The following L2HGDH variants were observed in gnomAD, a reference collection of about 807,000 sequenced individuals.
L2HGDH encodes the protein L-2-hydroxyglutarate dehydrogenase.
A neutral mutation model predicts 51.5 loss-of-function variants in L2HGDH; 34 were observed. The observed-to-expected ratio is 0.66, with a 90% CI of 0.50 to 0.88. L2HGDH has a LOEUF of 0.88. Ranked by LOEUF, L2HGDH falls within the 40% of genes least tolerant of loss-of-function variation. L2HGDH has a pLI of 0.00. For missense variants in L2HGDH, 558 were observed against 571.9 expected (o/e 0.98, Z 0.25); for synonymous variants, 198 against 197.9 (o/e 1.00, Z -0.01).
intron 9 of L2HGDH, among the ~76,000 whole-genome samples, chr14:50,250,580 A>T (rs1194701885): frequency 6.6e-6 from 1 of 152,196 alleles, no homozygotes; most frequent in African/African-American, 2.4e-5. Context: ...CCCTGAAGGG[A>T]AGGGCCCTGG....
rs376354488 is a variant in L2HGDH, at chr14:50,312,140, G to C, written c.11C>G (p.Ala4Gly). 5.6e-6 allele frequency: 9 copies of C among 1,610,382 alleles called. No homozygotes were observed. The African/African-American group carries it at 1.1e-4, about 19-fold the overall frequency. MVP[A>G]LRYLVGACGR... ...GCAGGCACCAACCAAATAACGCAGCGCTGGCACCATCCCCTACGCACGCTC... is the reference window on the plus strand; with the variant it reads ...GCAGGCACCAACCAAATAACGCAGCCCTGGCACCATCCCCTACGCACGCTC... Residue 4 changes from alanine to glycine, a missense_variant, in exon 1 of 10, where the codon GCG becomes GGG. Ala to Gly is a moderately conservative substitution (Grantham distance 60). Around this residue, in one of 3 missense-constraint regions of L2HGDH, gnomAD observed 194 missense variants for 187.2 expected, o/e 1.04. Coordinates refer to ENST00000267436, the MANE Select transcript of L2HGDH (RefSeq NM_024884.3).
In L2HGDH at chr14:50,262,428, C is replaced by CA. The variant is rs10710877; in HGVS notation, c.1196+2929dup. ...CTAGCAACAGACCGAGACTCTGTCT[C>CA]AAAAAAAAAAAAAAAAAGTCTATTG... On this transcript the variant is annotated intron_variant, in intron 9 of 9. Coordinates refer to ENST00000267436, the MANE Select transcript of L2HGDH (RefSeq NM_024884.3). 3.3e-3 allele frequency among the ~76,000 whole-genome samples: 372 copies of CA among 113,508 alleles called. 5 individuals are homozygous for CA. The highest frequency in any genetic ancestry group is 0.01 in the African/African-American group (301 of 29,078). The allele number at this position is 113,508 out of a possible 152,430, so 74.5% of individuals were successfully genotyped here.
chr14:50,296,251 G>A (rs2030037278), intron 3 of L2HGDH, among the ~76,000 whole-genome samples: 1 of 151,108 alleles, frequency 6.6e-6, no homozygotes. Flanking sequence ...GTGTGCACCT[G>A]TAGTCCCAGC....
rs1399552534 is a variant in L2HGDH, at chr14:50,245,201, C to T, written c.*1857G>A. The T allele has an allele frequency of 5.1e-6, 5 of 985,096 alleles. No individual in the cohort carries two copies. Among genetic ancestry groups the T allele is most frequent in the East Asian group, 1.1e-4 (1 of 8,816 alleles). 61.0% of individuals were successfully genotyped at this position (985,096 alleles called of 1,614,324 possible). On this transcript the variant is annotated 3_prime_UTR_variant, in exon 10 of 10. Coordinates refer to ENST00000267436, the MANE Select transcript of L2HGDH (RefSeq NM_024884.3). ...TATAGGAGCCCTGAAAAATCAAGTA[C>T]GTATGAATCATTACCAATCTTGGCC...
In L2HGDH at chr14:50,247,198, C is replaced by A. The variant is rs1366762439; in HGVS notation, c.1252G>T (p.Asp418Tyr). 1.9e-6 allele frequency: 3 copies of A among 1,614,162 alleles called. No homozygotes were observed. Among genetic ancestry groups the A allele is most frequent in the Non-Finnish European group, 2.5e-6 (3 of 1,180,026 alleles). Residue 418 changes from aspartate to tyrosine, a missense_variant, in exon 10 of 10, where the codon GAT becomes TAT. Coordinates refer to ENST00000267436, the MANE Select transcript of L2HGDH (RefSeq NM_024884.3). Reference sequence around the variant, plus strand: ...CCAACTCCTGCATCAAATACAAAATCTTCTACCAGATTTCCATCTCTATCC... The same window carrying A: ...CCAACTCCTGCATCAAATACAAAATATTCTACCAGATTTCCATCTCTATCC... ...ALDRDGNLVEDFVFDAGVGDI... is the reference protein window; with the variant it reads ...ALDRDGNLVEYFVFDAGVGDI...
intron 1 of L2HGDH, 41 bp from the exon 2 acceptor site, chr14:50,303,058 G>T: frequency 8.0e-7 from 1 of 1,252,054 alleles, no homozygotes; most frequent in Non-Finnish European, 1.2e-6. Flanking sequence ...CATATTTACA[G>T]TAGACCTCGC....
intron 4 of L2HGDH, among the ~76,000 whole-genome samples, chr14:50,290,047 C>G (rs937954839): frequency 3.3e-5 from 5 of 152,028 alleles, no homozygotes; most frequent in African/African-American, 1.2e-4. Flanking sequence ...GGGCGGATCA[C>G]GAGGTCAGGA....
intron 4 of L2HGDH, among the ~76,000 whole-genome samples, chr14:50,293,648 C>T (rs1447592048): frequency 1.3e-5 from 2 of 152,132 alleles, no homozygotes; most frequent in Admixed American, 6.5e-5. Context: ...GAGGATCAAA[C>T]TCATGCCAGC....
At chr14:50,256,253 G>A (rs1888660705) in intron 9 of L2HGDH, among the ~76,000 whole-genome samples, 1 of 152,044 alleles carries the variant, frequency 6.6e-6, no homozygotes, top group African/African-American at 2.4e-5. Flanking sequence ...AGTGGCTCAT[G>A]CCTATAATCC....
At position 50,251,991 on chromosome 14, in the gene L2HGDH, GGTGTAT is replaced by G. The variant is rs1888381276; in HGVS notation, c.1197-4744_1197-4739del. 4.6e-5 allele frequency among the ~76,000 whole-genome samples: 7 copies of G among 151,874 alleles called. 1 individual carries two copies. The South Asian group carries it at 1.5e-3, about 32-fold the overall frequency. On this transcript the variant is annotated intron_variant, in intron 9 of 9. Transcript: ENST00000267436. ...CAGAATAGTATAACACTATAATTGT[GGTGTAT>G]AAACTTCTCATCTTACATAGAAAGA...
chr14:50,242,689 T>C lies in L2HGDH; in HGVS notation c.*4369A>G. On this transcript the variant is annotated 3_prime_UTR_variant, in exon 10 of 10. Coordinates refer to ENST00000267436, the MANE Select transcript of L2HGDH (RefSeq NM_024884.3). ...CTTTCCCAACCATTTCACCCTGTCC[T>C]TCTACCTTAAGCCCTGATGAAGAGA... 1.0e-6 allele frequency: 1 copy of C among 985,464 alleles called. No homozygotes were observed. 61.0% of individuals were successfully genotyped at this position (985,464 alleles called of 1,614,324 possible).
intron 5 of L2HGDH, chr14:50,282,433 C>A (rs1460358899): frequency 1.3e-5 from 6 of 455,822 alleles, no homozygotes; most frequent in Non-Finnish European, 2.6e-5. Flanking sequence ...TGGAACTCTT[C>A]TGTCTTCATT....
At chr14:50,283,202 AG>A (rs113149074) in intron 5 of L2HGDH, among the ~76,000 whole-genome samples, 5,420 of 151,324 alleles carry the variant, frequency 0.036, 297 homozygotes, top group African/African-American at 0.12. Flanking sequence ...CCCTGCCCCA[AG>A]GGGAAAAAAA....
At chr14:50,302,229 A>G in intron 2 of L2HGDH, 61 bp from the exon 3 acceptor site, 1 of 1,558,986 alleles carries the variant, frequency 6.4e-7, no homozygotes, top group Non-Finnish European at 8.8e-7. Flanking sequence ...CATAAGAGGT[A>G]AGAGAACAAA....
At chr14:50,285,739 G>A (rs141414395) in intron 4 of L2HGDH, among the ~76,000 whole-genome samples, 10 of 152,186 alleles carry the variant, frequency 6.6e-5, no homozygotes, top group African/African-American at 2.2e-4. Context: ...CCAGCACAAC[G>A]TCTGACACAC....
At chr14:50,301,919 A>G in intron 3 of L2HGDH, 98 bp downstream of exon 3, 1 of 1,238,502 alleles carries the variant, frequency 8.1e-7, no homozygotes, top group Non-Finnish European at 1.2e-6. Flanking sequence ...AATTACATAG[A>G]TACAAAGAAA....
chr14:50,292,093 A>G (rs1178809540), intron 4 of L2HGDH, among the ~76,000 whole-genome samples: 1 of 150,094 alleles, frequency 6.7e-6, no homozygotes, highest in African/African-American at 2.5e-5. Flanking sequence ...TTCTTTGTAG[A>G]TAATAAATAT....
chr14:50,305,710 T>C (rs1218574024), intron 1 of L2HGDH, among the ~76,000 whole-genome samples: 1 of 152,276 alleles, frequency 6.6e-6, no homozygotes, highest in Non-Finnish European at 1.5e-5. Flanking sequence ...GATATTTGTA[T>C]GTGTATTACT....
Position 50,267,771 on chromosome 14 carries a change from A to T in L2HGDH, c.1046T>A (p.Met349Lys). 1 of 1,611,680 alleles carries T rather than the reference A, an allele frequency of 6.2e-7. No homozygotes were observed. The highest frequency in any genetic ancestry group is 1.3e-5 in the African/African-American group (1 of 75,026). The change falls in exon 8 of 10, where the codon ATG becomes AAG. Residue 349 changes from methionine to lysine, a missense_variant. Physicochemically the swap from Met to Lys is moderately conservative, Grantham distance 95. This residue lies in a region of L2HGDH where 321 missense variants were observed against 311.8 expected (regional missense o/e 1.03). Coordinates refer to ENST00000267436, the MANE Select transcript of L2HGDH (RefSeq NM_024884.3). Reference sequence around the variant, plus strand: ...ATGTTACCTATTGATAATTATATCCATAACATCTGTGGCACTGAAGTCAAA... The same window carrying T: ...ATGTTACCTATTGATAATTATATCCTTAACATCTGTGGCACTGAAGTCAAA... ...RPFDFSATDV[M>K]DIIINSGLIK...
Sources: allele counts gnomAD v4.1 joint callset (sites outside exome capture counted in the v4.1 genomes callset), GRCh38; gene constraint gnomAD v4.1.1; regional missense constraint gnomAD v4.1.1; transcripts MANE v1.5; gene names NCBI Gene and HGNC (gene_info 2026-07-23, HGNC 2026-07-21).